Variants in RGS21 observed in about 807,000 individuals in gnomAD.
RGS21 encodes regulator of G-protein signalling 21.
RGS21 carries 19 observed loss-of-function variants against 18.7 expected under a neutral mutation model. The ratio of observed to expected loss-of-function variants is 1.01; its 90% CI spans 0.71 to 1.49. The LOEUF (loss-of-function observed/expected upper bound fraction) is 1.49. RGS21 is among the 40% of genes most tolerant of loss of function. The probability of loss-of-function intolerance (pLI) is 0.00; values close to 1 mark genes in which losing one functional copy is unlikely to be tolerated. For synonymous variants in RGS21, 56 were observed against 57.8 expected (o/e 0.97, Z 0.14); for missense variants, 194 against 176.8 (o/e 1.10, Z -0.55).
At chr1:192,326,516 G>A (rs1433987287) in intron 1 of RGS21, among the ~76,000 whole-genome samples, 2 of 152,050 alleles carry the variant, frequency 1.3e-5, no homozygotes, top group Admixed American at 1.3e-4. Context: ...AAGTACTTAT[G>A]TGTGTACTCA....
intron 1 of RGS21, among the ~76,000 whole-genome samples, chr1:192,325,605 T>G (rs894503480): frequency 6.6e-6 from 1 of 152,036 alleles, no homozygotes; most frequent in Non-Finnish European, 1.5e-5. Flanking sequence ...TCTGCCACTT[T>G]GCCAACATCT....
intron 4 of RGS21, among the ~76,000 whole-genome samples, chr1:192,358,052 T>C (rs1200921208): frequency 1.3e-5 from 2 of 152,048 alleles, no homozygotes; most frequent in Non-Finnish European, 2.9e-5. Flanking sequence ...TCTGATTCCA[T>C]TTCGGCTGCT....
At chr1:192,332,991 C>T (rs1465980795) in intron 1 of RGS21, among the ~76,000 whole-genome samples, 1 of 150,522 alleles carries the variant, frequency 6.6e-6, no homozygotes, top group Admixed American at 6.6e-5. Context: ...TAACAACTAA[C>T]AATTAGAAAA....
intron 3 of RGS21, among the ~76,000 whole-genome samples, chr1:192,348,744 T>C (rs1294581959): frequency 6.6e-6 from 1 of 151,110 alleles, no homozygotes; most frequent in Non-Finnish European, 1.5e-5. Flanking sequence ...AATGACACTG[T>C]GAAACACAGA....
intron 4 of RGS21, among the ~76,000 whole-genome samples, chr1:192,352,735 A>T (rs1030989172): frequency 1.5e-4 from 23 of 151,924 alleles, no homozygotes; most frequent in Admixed American, 1.5e-3. Flanking sequence ...AGTGATCAGG[A>T]CTCACCTGTG....
chr1:192,330,227 C>G (rs945866079), intron 1 of RGS21, among the ~76,000 whole-genome samples: 5 of 152,148 alleles, frequency 3.3e-5, no homozygotes, highest in Non-Finnish European at 7.4e-5. Context: ...AGAGGAGCAA[C>G]AGATCATTTC....
intron 1 of RGS21, among the ~76,000 whole-genome samples, chr1:192,341,114 G>A (rs1033891661): frequency 1.3e-5 from 2 of 151,968 alleles, no homozygotes; most frequent in Non-Finnish European, 2.9e-5. Context: ...GGCCACCTAC[G>A]TTCCTTGGCT....
chr1:192,352,306 T>G, intron 4 of RGS21, 93 bp downstream of exon 4: 1 of 850,346 alleles, frequency 1.2e-6, no homozygotes, highest in Non-Finnish European at 1.7e-6. Flanking sequence ...GATAATCAAA[T>G]TCTCAGTATG....
intron 4 of RGS21, among the ~76,000 whole-genome samples, chr1:192,362,483 A>G (rs1378380335): frequency 2.0e-5 from 3 of 152,216 alleles, no homozygotes; most frequent in Non-Finnish European, 4.4e-5. Context: ...GATCAGAGAA[A>G]AAACAGGTGT....
intron 1 of RGS21, among the ~76,000 whole-genome samples, chr1:192,333,565 A>G (rs1229766548): frequency 1.3e-5 from 2 of 150,898 alleles, no homozygotes; most frequent in Non-Finnish European, 3.0e-5. Context: ...TGCTGATTGG[A>G]AAGAGCCCAT....
At position 192,323,661 on chromosome 1, in the gene RGS21, A is replaced by ATGGAGAT. The variant is rs1384144176; in HGVS notation, c.-61+6558_-61+6564dup. On this transcript the variant is annotated intron_variant, in intron 1 of 4. Coordinates refer to ENST00000417209, the MANE Select transcript of RGS21 (RefSeq NM_001039152.3). Reference sequence around the variant, plus strand: ...TGAGCATATAGATGCTTAGACGCTTATGGAGATTTTAAGTGGCAATGGAAA... The same window carrying ATGGAGAT: ...TGAGCATATAGATGCTTAGACGCTTATGGAGATTGGAGATTTTAAGTGGCAATGGAAA... Among the ~76,000 whole-genome samples, 3 of 152,244 alleles carry ATGGAGAT rather than the reference A, an allele frequency of 2.0e-5. No homozygotes were observed. In the East Asian group the frequency reaches 5.8e-4, roughly 29 times the overall value.
Position 192,337,873 on chromosome 1 carries a change from GTTAT to G in RGS21, c.-60-5100_-60-5097del, listed in dbSNP as rs558882880. Among the ~76,000 whole-genome samples, 9 of 152,084 alleles carry G rather than the reference GTTAT, an allele frequency of 5.9e-5. No homozygotes were observed. The South Asian group carries it at 1.9e-3, about 32-fold the overall frequency. On this transcript the variant is annotated intron_variant, in intron 1 of 4. Transcript: ENST00000417209. ...TATGAATTCACTAAAGTGAAAAAAT[GTTAT>G]TTACTTTTAAAACATAAGAAAAGAC...
intron 1 of RGS21, among the ~76,000 whole-genome samples, chr1:192,335,066 C>T (rs1422303177): frequency 6.6e-6 from 1 of 152,092 alleles, no homozygotes; most frequent in African/African-American, 2.4e-5. Flanking sequence ...TTGTATTATT[C>T]TCACAGAGCT....
At chr1:192,317,363 G>T (rs1658435033) in intron 1 of RGS21, among the ~76,000 whole-genome samples, 1 of 151,560 alleles carries the variant, frequency 6.6e-6, no homozygotes, top group Admixed American at 6.6e-5. Context: ...ATGAACAAAG[G>T]ATATCAGACT....
chr1:192,354,322 A>C (rs1659083204), intron 4 of RGS21, among the ~76,000 whole-genome samples: 1 of 151,612 alleles, frequency 6.6e-6, no homozygotes, highest in South Asian at 2.1e-4. Context: ...TGGAGAGTTA[A>C]AGTTAGATTT....
chr1:192,332,293 C>T (rs537552074), intron 1 of RGS21, among the ~76,000 whole-genome samples: 3 of 152,106 alleles, frequency 2.0e-5, no homozygotes, highest in African/African-American at 7.2e-5. Context: ...TATATGGGAT[C>T]AGTAATCAGT....
chr1:192,328,501 G>C (rs1489670016), intron 1 of RGS21, among the ~76,000 whole-genome samples: 1 of 152,054 alleles, frequency 6.6e-6, no homozygotes, highest in Non-Finnish European at 1.5e-5. Context: ...AATAAAACAG[G>C]CCATCAACTA....
Position 192,365,965 on chromosome 1 carries a change from T to C in RGS21, c.300T>C (p.Ile100=). The C allele has an allele frequency of 6.2e-7, 1 of 1,611,210 alleles. No homozygotes were observed. Among genetic ancestry groups the C allele is most frequent in the Non-Finnish European group, 8.5e-7 (1 of 1,177,904 alleles). The change falls in exon 5 of 5, where the codon ATT becomes ATC. Residue 100 remains isoleucine (I), a synonymous_variant. Coordinates refer to ENST00000417209, the MANE Select transcript of RGS21 (RefSeq NM_001039152.3). ...FGTRDLISKN[I]AEPTLKCFDE... is the part of the protein sequence containing the mutation. ...CCAGAGACCTCATCTCAAAGAATAT[T>C]GCTGAACCAACACTCAAATGCTTTG...
chr1:192,346,890 A>G (rs538283567), intron 2 of RGS21, among the ~76,000 whole-genome samples: 56 of 152,280 alleles, frequency 3.7e-4, no homozygotes, highest in African/African-American at 1.3e-3. Flanking sequence ...TGAGATGCAT[A>G]ATTATGACAT....
Sources: allele counts gnomAD v4.1 joint callset (sites outside exome capture counted in the v4.1 genomes callset), GRCh38; gene constraint gnomAD v4.1.1; transcripts MANE v1.5; gene names NCBI Gene and HGNC (gene_info 2026-07-23, HGNC 2026-07-21).